Variants in PRSS27 observed in about 807,000 individuals in gnomAD.
PRSS27 encodes channel-activating protease 2.
In PRSS27, 25 loss-of-function variants were observed where a neutral mutation model predicts 32.0. The ratio of observed to expected loss-of-function variants is 0.78; its 90% CI spans 0.57 to 1.09. PRSS27 has a LOEUF of 1.09. PRSS27 is among the 50% of genes least tolerant of loss of function. PRSS27 has a pLI of 0.00. For synonymous variants in PRSS27, 178 were observed against 172.2 expected (o/e 1.03, Z -0.26); for missense variants, 401 against 394.9 (o/e 1.02, Z -0.13).
rs2067691822 is a variant in PRSS27, at chr16:2,714,942, T to C, written c.237-606A>G. ...TTTTTGTTTTTTAATTTTTTTTTAT[T>C]TTTAGTAGAGACAGGGTCTTGCTGT... On this transcript the variant is annotated intron_variant, in intron 3 of 5. Coordinates refer to ENST00000302641, the MANE Select transcript of PRSS27 (RefSeq NM_031948.5). The surrounding 1 kb of genome is among the most constrained non-coding windows in gnomAD (Gnocchi z 4.7). The C allele has an allele frequency of 6.5e-6, 1 of 153,994 alleles. No individual in the cohort carries two copies. The allele number at this position is 153,994 out of a possible 1,614,324, so 9.5% of individuals were successfully genotyped here.
In PRSS27 at chr16:2,712,819, G is replaced by T; in HGVS notation, c.679-5C>A. 1 of 1,541,908 alleles carries T rather than the reference G, an allele frequency of 6.5e-7. No individual in the cohort carries two copies. The highest frequency in any genetic ancestry group is 8.8e-7 in the Non-Finnish European group (1 of 1,141,706). On this transcript the variant is annotated splice_polypyrimidine_tract_variant and splice_region_variant and intron_variant, in intron 5 of 5. Coordinates refer to ENST00000302641, the MANE Select transcript of PRSS27 (RefSeq NM_031948.5). This position sits in a 1 kb window ranked among gnomAD's most constrained non-coding sequence, Gnocchi z 4.6. ...CAGGGGGCCGCCCGAGTCGCCCTGCGGGGGACGCAGAGTCACCGTCAGAGC... is the reference window on the plus strand; with the variant it reads ...CAGGGGGCCGCCCGAGTCGCCCTGCTGGGGACGCAGAGTCACCGTCAGAGC...
chr16:2,719,279 G>T (rs146225044), intron 1 of PRSS27, among the ~76,000 whole-genome samples: 1,584 of 152,266 alleles, frequency 0.01, 12 homozygotes, highest in Non-Finnish European at 0.014. Flanking sequence ...GCATGGGGTG[G>T]GGGAGGCCGG....
At chr16:2,715,227 G>C (rs1179870066) in intron 3 of PRSS27, 1 of 154,852 alleles carries the variant, frequency 6.5e-6, no homozygotes, top group Non-Finnish European at 1.4e-5. Context: ...GTGGGACCAG[G>C]TGGTTCATAC....
rs1567201071 is a variant in PRSS27 at position 2,717,634 on chromosome 16, G to A, written c.47-1108C>T. Reference sequence around the variant, plus strand: ...TTCCGGTGCCCGGGCCAGCTGCTATGGACCATGTCTTCACTCTGCCCGGAA... The same window carrying A: ...TTCCGGTGCCCGGGCCAGCTGCTATAGACCATGTCTTCACTCTGCCCGGAA... On this transcript the variant is annotated intron_variant, in intron 1 of 5. Transcript: ENST00000302641. The surrounding 1 kb of genome is among the most constrained non-coding windows in gnomAD (Gnocchi z 4.1). 2 of 152,596 alleles carry A rather than the reference G, an allele frequency of 1.3e-5. No homozygotes were observed. The highest frequency in any genetic ancestry group is 1.9e-4 in the East Asian group (1 of 5,188). The allele number at this position is 152,596 out of a possible 1,614,324, so 9.5% of individuals were successfully genotyped here.
At chr16:2,716,630 C>G in intron 1 of PRSS27, 104 bp from the exon 2 acceptor site, 3 of 1,127,470 alleles carry the variant, frequency 2.7e-6, no homozygotes, top group Non-Finnish European at 3.9e-6. Context: ...CCTGAGGACT[C>G]CAGAGGGACA....
chr16:2,716,153 G>A lies in PRSS27; in HGVS notation c.74-273C>T, dbSNP rs2067701122. 1.4e-5 allele frequency: 8 copies of A among 554,030 alleles called. No homozygotes were observed. In the East Asian group the frequency reaches 1.8e-4, roughly 12 times the overall value. 34.3% of individuals were successfully genotyped at this position (554,030 alleles called of 1,614,324 possible). A position where few individuals can be genotyped will look rare whatever the true frequency, so the allele number is the denominator to read the frequency against. On this transcript the variant is annotated intron_variant, in intron 2 of 5. Transcript: ENST00000302641. Reference sequence around the variant, plus strand: ...AGGCACTGAGATAACCCAGGGAAGGGTCTTGTCCCAGGGCCTGACCCAAAC... The same window carrying A: ...AGGCACTGAGATAACCCAGGGAAGGATCTTGTCCCAGGGCCTGACCCAAAC...
chr16:2,713,457 G>C, intron 5 of PRSS27, 72 bp downstream of exon 5: 3 of 1,449,684 alleles, frequency 2.1e-6, no homozygotes, highest in Non-Finnish European at 1.9e-6. Context: ...CCCATGGAGC[G>C]GGGCATGATC....
intron 3 of PRSS27, chr16:2,715,439 C>T (rs969643038): frequency 1.5e-4 from 60 of 411,206 alleles, no homozygotes; most frequent in African/African-American, 1.3e-3. Context: ...CGGGCCGCTT[C>T]TGCAGGGACC....
chr16:2,713,754 G>T lies in PRSS27; in HGVS notation c.509-56C>A. ...ACGGACTTCCTCATCAAGAACCCAC[G>T]GCCCCGGGAACCACCACTCCATCCT... On this transcript the variant is annotated intron_variant, in intron 4 of 5. Coordinates refer to ENST00000302641, the MANE Select transcript of PRSS27 (RefSeq NM_031948.5). 5.7e-6 allele frequency: 9 copies of T among 1,577,644 alleles called. No individual in the cohort carries two copies. The South Asian group carries it at 1.0e-4, about 18-fold the overall frequency.
rs2067672225 is a variant in PRSS27 at position 2,712,902 on chromosome 16, A to G, written c.679-88T>C. On this transcript the variant is annotated intron_variant, in intron 5 of 5. Coordinates refer to ENST00000302641, the MANE Select transcript of PRSS27 (RefSeq NM_031948.5). This position sits in a 1 kb window ranked among gnomAD's most constrained non-coding sequence, Gnocchi z 4.6. Reference sequence around the variant, plus strand: ...CGCACAGGAGGTGTGTAGCTCCGCAATGGATTCCTTCTCTCCATCCCAGAG... The same window carrying G: ...CGCACAGGAGGTGTGTAGCTCCGCAGTGGATTCCTTCTCTCCATCCCAGAG... The G allele has an allele frequency of 4.7e-6, 5 of 1,053,296 alleles. No homozygotes were observed. Among genetic ancestry groups the G allele is most frequent in the Non-Finnish European group, 6.6e-6 (5 of 751,918 alleles). The allele number at this position is 1,053,296 out of a possible 1,614,324, so 65.2% of individuals were successfully genotyped here.
chr16:2,714,459 A>T lies in PRSS27; in HGVS notation c.237-123T>A. 2.7e-6 allele frequency: 3 copies of T among 1,123,754 alleles called. No homozygotes were observed. Among genetic ancestry groups the T allele is most frequent in the Non-Finnish European group, 3.8e-6 (3 of 780,542 alleles). 69.6% of individuals were successfully genotyped at this position (1,123,754 alleles called of 1,614,324 possible). ...CCTCTCTCTGCACAATGTCTTCGAG[A>T]GTCATCTCTAGGACAGCCAGGTGCA... On this transcript the variant is annotated intron_variant, in intron 3 of 5. Coordinates refer to ENST00000302641, the MANE Select transcript of PRSS27 (RefSeq NM_031948.5). The surrounding 1 kb of genome is among the most constrained non-coding windows in gnomAD (Gnocchi z 4.7).
Position 2,713,003 on chromosome 16 carries a change from T to C in PRSS27, c.679-189A>G, listed in dbSNP as rs552913838. ...TATTCTTTAGTGTCCCCAGATCAAC[T>C]AGGGTGTGTGTGTGTGTTGAAAATG... On this transcript the variant is annotated intron_variant, in intron 5 of 5. Transcript: ENST00000302641. The C allele has an allele frequency of 1.0e-5, 6 of 573,818 alleles. No individual in the cohort carries two copies. In the Admixed American group the frequency reaches 1.7e-4, roughly 16 times the overall value. 35.5% of individuals were successfully genotyped at this position (573,818 alleles called of 1,614,324 possible). A position where few individuals can be genotyped will look rare whatever the true frequency, so the allele number is the denominator to read the frequency against.
intron 3 of PRSS27, chr16:2,715,434 C>T (rs1240098816): frequency 2.6e-6 from 1 of 383,976 alleles, no homozygotes; most frequent in Non-Finnish European, 4.6e-6. Flanking sequence ...CCTGCCGGGC[C>T]GCTTCTGCAG....
rs372235259 is a variant in PRSS27 at position 2,714,060 on chromosome 16, C to T, written c.508+5G>A. On this transcript the variant is annotated splice_donor_5th_base_variant and intron_variant, in intron 4 of 5. Transcript: ENST00000302641. This position sits in a 1 kb window ranked among gnomAD's most constrained non-coding sequence, Gnocchi z 4.7. ...CCCCATTCTTTCCCAGCCCTGTCCC[C>T]TTACCTTCCTCACTGGGGCTGCCCC... is the stretch of plus-strand genomic sequence containing the variant. 6.2e-6 allele frequency: 10 copies of T among 1,602,776 alleles called. No individual in the cohort carries two copies. The highest frequency in any genetic ancestry group is 8.5e-6 in the Non-Finnish European group (10 of 1,173,326).
intron 4 of PRSS27, 142 bp downstream of exon 4, chr16:2,713,923 C>T (rs2067682884): frequency 9.3e-7 from 1 of 1,075,764 alleles, no homozygotes; most frequent in Non-Finnish European, 1.4e-6. Flanking sequence ...CTGCTGCTCC[C>T]CTCGGCCCCA....
intron 5 of PRSS27, chr16:2,713,077 G>T: frequency 1.9e-6 from 1 of 535,338 alleles, no homozygotes; most frequent in Non-Finnish European, 3.3e-6. Flanking sequence ...TCCTTCTGGG[G>T]TGGGGTCCAG....
rs145362779 is a variant in PRSS27, at chr16:2,719,645, A to G, written c.46+470T>C. 1.7e-3 allele frequency among the ~76,000 whole-genome samples: 253 copies of G among 152,262 alleles called. 3 individuals are homozygous for G. In the East Asian group the frequency reaches 0.041, roughly 24 times the overall value. ...GCCCCCAGCTCTCTACTGAGCCTGC[A>G]GCCAGCCTGCTGGGGCTTCCGGGCA... On this transcript the variant is annotated intron_variant, in intron 1 of 5. Coordinates refer to ENST00000302641, the MANE Select transcript of PRSS27 (RefSeq NM_031948.5).
Position 2,715,882 on chromosome 16 carries a change from TG to T in PRSS27, c.74-3del. The T allele has an allele frequency of 6.4e-7, 1 of 1,559,196 alleles. No homozygotes were observed. The highest frequency in any genetic ancestry group is 8.7e-7 in the Non-Finnish European group (1 of 1,150,740). ...TCAGCATCCTGGGGCGACCACAGGC[TG>T]GGGGAGCATGGGGAGCGGGTGGGGG... On this transcript the variant is annotated splice_polypyrimidine_tract_variant and splice_region_variant and intron_variant, in intron 2 of 5. Coordinates refer to ENST00000302641, the MANE Select transcript of PRSS27 (RefSeq NM_031948.5).
In PRSS27 at chr16:2,712,917, C is replaced by A; in HGVS notation, c.679-103G>T. 1.1e-6 allele frequency: 1 copy of A among 943,072 alleles called. No individual in the cohort carries two copies. Among genetic ancestry groups the A allele is most frequent in the Non-Finnish European group, 1.5e-6 (1 of 652,516 alleles). 58.4% of individuals were successfully genotyped at this position (943,072 alleles called of 1,614,324 possible). A position where few individuals can be genotyped will look rare whatever the true frequency, so the allele number is the denominator to read the frequency against. On this transcript the variant is annotated intron_variant, in intron 5 of 5. Coordinates refer to ENST00000302641, the MANE Select transcript of PRSS27 (RefSeq NM_031948.5). This position sits in a 1 kb window ranked among gnomAD's most constrained non-coding sequence, Gnocchi z 4.6. ...TAGCTCCGCAATGGATTCCTTCTCT[C>A]CATCCCAGAGCCTCTCTGCCCGGCT... is the stretch of plus-strand genomic sequence containing the variant.
Sources: allele counts gnomAD v4.1 joint callset (sites outside exome capture counted in the v4.1 genomes callset), GRCh38; gene constraint gnomAD v4.1.1; non-coding constraint Gnocchi (gnomAD v3.1); transcripts MANE v1.5; gene names NCBI Gene and HGNC (gene_info 2026-07-23, HGNC 2026-07-21).